PARD3B: variants seen among roughly 807,000 people sequenced by gnomAD.
PARD3B encodes partitioning defective 3 homolog B.
PARD3B carries 103 observed loss-of-function variants against 130.2 expected under a neutral mutation model. The observed-to-expected ratio is 0.79, with a 90% CI of 0.67 to 0.93. The LOEUF (loss-of-function observed/expected upper bound fraction) is 0.93. PARD3B is among the 40% of genes least tolerant of loss of function. PARD3B has a pLI of 0.00. For synonymous variants in PARD3B, 583 were observed against 553.2 expected (o/e 1.05, Z -0.76); for missense variants, 1,609 against 1,499.2 (o/e 1.07, Z -1.21).
chr2:205,019,558 C>G (rs1696439393), intron 3 of PARD3B, among the ~76,000 whole-genome samples: 1 of 152,132 alleles, frequency 6.6e-6, no homozygotes, highest in Non-Finnish European at 1.5e-5. Context: ...TGAGGAACCA[C>G]CAGGCTGTTA....
chr2:205,522,107 T>C (rs1440153772), intron 21 of PARD3B, among the ~76,000 whole-genome samples: 1 of 151,654 alleles, frequency 6.6e-6, no homozygotes, highest in African/African-American at 2.4e-5. Context: ...ATAATATATT[T>C]AATAATTATT....
At chr2:204,648,467 C>T (rs2035348340) in intron 1 of PARD3B, among the ~76,000 whole-genome samples, 2 of 147,324 alleles carry the variant, frequency 1.4e-5, no homozygotes, top group Admixed American at 1.4e-4. Flanking sequence ...TATTTTTAGA[C>T]ATGTTTTGTT....
At chr2:205,535,130 T>C (rs2051788183) in intron 21 of PARD3B, among the ~76,000 whole-genome samples, 1 of 152,204 alleles carries the variant, frequency 6.6e-6, no homozygotes, top group South Asian at 2.1e-4. Context: ...CCCTTTCTCA[T>C]GTTTCCACCA....
chr2:204,869,474 C>A (rs2045553838), intron 2 of PARD3B, among the ~76,000 whole-genome samples: 1 of 152,062 alleles, frequency 6.6e-6, no homozygotes, highest in Non-Finnish European at 1.5e-5. Flanking sequence ...GCTTATTAGA[C>A]CACTGACAAT....
chr2:205,555,096 A>G (rs2052820462), intron 22 of PARD3B, among the ~76,000 whole-genome samples: 1 of 152,198 alleles, frequency 6.6e-6, no homozygotes, highest in African/African-American at 2.4e-5. Context: ...AATTGTGGTT[A>G]AGGCAGATGG....
chr2:205,127,133 T>C (rs1282783213), intron 10 of PARD3B, among the ~76,000 whole-genome samples: 1 of 151,238 alleles, frequency 6.6e-6, no homozygotes. Context: ...CCGTCTCTAC[T>C]AAAAAATACA....
intron 18 of PARD3B, among the ~76,000 whole-genome samples, chr2:205,339,868 G>C (rs2043454114): frequency 6.6e-6 from 1 of 152,146 alleles, no homozygotes. Context: ...TATAATTGCT[G>C]TGTTCAAAGA....
rs2105808587 is a variant in PARD3B at position 205,341,125 on chromosome 2, C to A, written c.2630+39424C>A. On this transcript the variant is annotated intron_variant, in intron 18 of 22. Coordinates refer to ENST00000406610, the MANE Select transcript of PARD3B (RefSeq NM_001302769.2). This position sits in a 1 kb window ranked among gnomAD's most constrained non-coding sequence, Gnocchi z 4.3. ...ATAAAAAATGCTAAAGAAAAGGGAACTCTTAGACACTGTTGGTGGGGATGT... is the reference window on the plus strand; with the variant it reads ...ATAAAAAATGCTAAAGAAAAGGGAAATCTTAGACACTGTTGGTGGGGATGT... Among the ~76,000 whole-genome samples, 1 of 152,082 alleles carries A rather than the reference C, an allele frequency of 6.6e-6. No individual in the cohort carries two copies. The highest frequency in any genetic ancestry group is 2.4e-5 in the African/African-American group (1 of 41,516).
At chr2:205,238,701 A>G (rs1295132200) in intron 15 of PARD3B, among the ~76,000 whole-genome samples, 1 of 150,116 alleles carries the variant, frequency 6.7e-6, no homozygotes, top group African/African-American at 2.4e-5. Context: ...GCCTGGTGGC[A>G]GGCGCTTGTA....
At chr2:205,368,317 T>C (rs1277474266) in intron 18 of PARD3B, among the ~76,000 whole-genome samples, 3 of 152,204 alleles carry the variant, frequency 2.0e-5, no homozygotes, top group Non-Finnish European at 4.4e-5. Context: ...TATATGAATA[T>C]CTGATATTAT....
At position 205,210,266 on chromosome 2, in the gene PARD3B, G is replaced by T. The variant is rs546646315; in HGVS notation, c.2140+16946G>T. On this transcript the variant is annotated intron_variant, in intron 15 of 22. Transcript: ENST00000406610. Reference sequence around the variant, plus strand: ...TAAAATAAAAAGAAAATCAGCTTTAGTCTTACATATTTTTATTCTCTTATA... The same window carrying T: ...TAAAATAAAAAGAAAATCAGCTTTATTCTTACATATTTTTATTCTCTTATA... Among the ~76,000 whole-genome samples, 256 of 151,958 alleles carry T rather than the reference G, an allele frequency of 1.7e-3. 2 individuals are homozygous for T. The highest frequency in any genetic ancestry group is 2.5e-3 in the Non-Finnish European group (168 of 67,922).
At chr2:205,337,434 A>G (rs1574739053) in intron 18 of PARD3B, among the ~76,000 whole-genome samples, 1 of 152,324 alleles carries the variant, frequency 6.6e-6, no homozygotes, top group East Asian at 1.9e-4. Context: ...TGGAAAGCAC[A>G]TGCACTGGAA....
intron 3 of PARD3B, among the ~76,000 whole-genome samples, chr2:205,003,911 G>A (rs900626030): frequency 6.6e-6 from 1 of 152,130 alleles, no homozygotes; most frequent in Admixed American, 6.5e-5. Context: ...GGTCTTCCAA[G>A]GTATTTAGTT....
At chr2:204,778,400 A>G (rs1322660882) in intron 2 of PARD3B, among the ~76,000 whole-genome samples, 1 of 152,208 alleles carries the variant, frequency 6.6e-6, no homozygotes, top group Non-Finnish European at 1.5e-5. Context: ...GAGTTTGTAG[A>G]AATGAACAAC....
chr2:204,671,888 A>G lies in PARD3B; in HGVS notation c.121-14293A>G, dbSNP rs566036658. ...TGCATGAATGAATATATTCAAATAT[A>G]TATGTGCATGTATGCAACTGATAGT... On this transcript the variant is annotated intron_variant, in intron 1 of 22. Coordinates refer to ENST00000406610, the MANE Select transcript of PARD3B (RefSeq NM_001302769.2). Among the ~76,000 whole-genome samples, 6 of 152,344 alleles carry G rather than the reference A, an allele frequency of 3.9e-5. No homozygotes were observed. The East Asian group carries it at 1.2e-3, about 29-fold the overall frequency.
intron 2 of PARD3B, among the ~76,000 whole-genome samples, chr2:204,742,426 A>G (rs572495826): frequency 6.6e-6 from 1 of 152,240 alleles, no homozygotes; most frequent in South Asian, 2.1e-4. Context: ...TCGATGGGCA[A>G]GAGATGTGAA....
intron 18 of PARD3B, among the ~76,000 whole-genome samples, chr2:205,349,020 C>T (rs955482154): frequency 6.6e-6 from 1 of 152,080 alleles, no homozygotes; most frequent in African/African-American, 2.4e-5. Context: ...TATGTACTGG[C>T]TCATTACCCA....
intron 4 of PARD3B, among the ~76,000 whole-genome samples, chr2:205,096,887 G>A (rs945797219): frequency 8.5e-5 from 13 of 152,130 alleles, no homozygotes; most frequent in African/African-American, 1.7e-4. Flanking sequence ...ATAGTCTTTC[G>A]TATAAATAAT....
intron 3 of PARD3B, among the ~76,000 whole-genome samples, chr2:204,985,200 GT>G (rs1046481469): frequency 6.6e-6 from 1 of 151,402 alleles, no homozygotes; most frequent in African/African-American, 2.4e-5. Context: ...CCTCCTGCCT[GT>G]TTTTTCCCTC....
Sources: gnomAD v4.1 joint callset for allele counts (sites outside exome capture counted in the v4.1 genomes callset) on GRCh38, gnomAD v4.1.1 for gene constraint, Gnocchi (gnomAD v3.1) non-coding constraint, MANE v1.5 for transcripts, NCBI Gene and HGNC (gene_info 2026-07-23, HGNC 2026-07-21) for gene names.